The following CCDC171 variants were observed in gnomAD, a reference collection of about 807,000 sequenced individuals.
The protein encoded by CCDC171 is coiled-coil domain containing 171.
Under a neutral mutation model 168.2 loss-of-function variants are expected in CCDC171, and 177 were observed. The observed-to-expected ratio is 1.05, with a 90% confidence interval of 0.93 to 1.19. The LOEUF is 1.19. CCDC171 is among the 50% of genes most tolerant of loss of function. CCDC171 has a pLI of 0.00. For synonymous variants in CCDC171, 687 were observed against 540.8 expected (o/e 1.27, Z -3.75); for missense variants, 1,991 against 1,539.0 (o/e 1.29, Z -4.91).
intron 18 of CCDC171, among the ~76,000 whole-genome samples, chr9:15,750,883 C>G (rs557459081): frequency 5.9e-5 from 9 of 152,276 alleles, no homozygotes; most frequent in South Asian, 2.1e-4. Context: ...CAAGGATGCT[C>G]TCTCTCACCA....
chr9:15,906,551 C>G, intron 24 of CCDC171, among the ~76,000 whole-genome samples: 1 of 152,174 alleles, frequency 6.6e-6, no homozygotes, highest in Non-Finnish European at 1.5e-5. Flanking sequence ...CTATGACAAA[C>G]CCACAGCCAA....
intron 3 of CCDC171, among the ~76,000 whole-genome samples, chr9:15,983,805 CTAAA>C (rs1005303928): frequency 9.6e-5 from 8 of 82,940 alleles, no homozygotes; most frequent in Admixed American, 5.2e-4. Context: ...GAGGCAAGAG[CTAAA>C]TAAAGAGAGT....
intron 9 of CCDC171, among the ~76,000 whole-genome samples, chr9:15,671,284 G>C (rs1486436873): frequency 6.6e-6 from 1 of 151,936 alleles, no homozygotes; most frequent in East Asian, 1.9e-4. Context: ...TCTTCTAAGA[G>C]ATGTTCCTCC....
intron 21 of CCDC171, among the ~76,000 whole-genome samples, chr9:15,803,375 G>GTTT (rs966929290): frequency 6.6e-6 from 1 of 150,488 alleles, no homozygotes; most frequent in African/African-American, 2.4e-5. Flanking sequence ...TTTTTCTAGG[G>GTTT]TTTTTTTTTG....
intron 1 of CCDC171, among the ~76,000 whole-genome samples, chr9:16,053,317 A>G (rs1020940639): frequency 2.0e-5 from 3 of 152,210 alleles, no homozygotes; most frequent in Admixed American, 6.5e-5. Flanking sequence ...TTGTGATGCA[A>G]CTTGCAACAT....
intron 21 of CCDC171, among the ~76,000 whole-genome samples, chr9:15,831,683 G>A (rs2060240124): frequency 6.6e-6 from 1 of 151,990 alleles, no homozygotes; most frequent in South Asian, 2.1e-4. Flanking sequence ...TTGTCTTTAG[G>A]TTTTCTTTAA....
intron 3 of CCDC171, among the ~76,000 whole-genome samples, chr9:15,998,275 A>G (rs1236364900): frequency 1.3e-5 from 2 of 152,312 alleles, no homozygotes; most frequent in Non-Finnish European, 1.5e-5. Flanking sequence ...TCATCTTTGC[A>G]GAGTATTTCC....
upstream of CCDC171, among the ~76,000 whole-genome samples, chr9:16,040,665 A>C (rs3008705): frequency 0.35 from 52,860 of 152,152 alleles, 10,325 homozygotes; most frequent in Non-Finnish European, 0.46. Flanking sequence ...TTACAAGAGC[A>C]GCTATAGGGA....
chr9:15,936,342 A>T (rs574212243), intron 25 of CCDC171, among the ~76,000 whole-genome samples: 2 of 152,180 alleles, frequency 1.3e-5, no homozygotes, highest in East Asian at 3.9e-4. Flanking sequence ...ACTTAAAGAA[A>T]TTATTTTCTC....
intron 23 of CCDC171, among the ~76,000 whole-genome samples, chr9:15,864,575 C>T (rs1223619832): frequency 6.6e-6 from 1 of 151,802 alleles, no homozygotes; most frequent in Non-Finnish European, 1.5e-5. Flanking sequence ...GGTTTTTTGT[C>T]CTTGCGATAG....
At chr9:15,995,741 CTT>C (rs1401803107) in intron 3 of CCDC171, among the ~76,000 whole-genome samples, 2 of 152,224 alleles carry the variant, frequency 1.3e-5, no homozygotes, top group East Asian at 3.8e-4. Flanking sequence ...TCTTTAAAAA[CTT>C]AACACTGTGT....
At chr9:15,820,053 A>C (rs2059705878) in intron 21 of CCDC171, among the ~76,000 whole-genome samples, 1 of 117,832 alleles carries the variant, frequency 8.5e-6, no homozygotes, top group Non-Finnish European at 1.9e-5. Flanking sequence ...AAACTGCTCA[A>C]CTACAGGGAA....
chr9:16,045,490 TG>T (rs1175751578), intron 1 of CCDC171, among the ~76,000 whole-genome samples: 3 of 152,192 alleles, frequency 2.0e-5, no homozygotes, highest in Non-Finnish European at 4.4e-5. Flanking sequence ...CTTATTGTCA[TG>T]GGTTGTAACA....
chr9:15,560,761 T>G (rs2039229644), intron 1 of CCDC171, among the ~76,000 whole-genome samples: 1 of 152,162 alleles, frequency 6.6e-6, no homozygotes, highest in Non-Finnish European at 1.5e-5. Context: ...CAGTCCAGCT[T>G]TGTTCCGTTG....
rs758816282 is a variant in CCDC171, at chr9:15,777,740, T to G, written c.2812T>G (p.Ser938Ala). ...GAGTATTACATATGTAGAAAAAGAT[T>G]CCCTGGTTCAGAGGCTGGCCCATGG... ...SRSITYVEKD[S>A]LVQRLAHGLH... Residue 938 changes from serine (S) to alanine (A), a missense_variant, in exon 19 of 26, where the codon TCC (serine) becomes GCC (alanine). By Grantham distance (99) the Ser-to-Ala change is moderately conservative. Coordinates refer to ENST00000380701, the MANE Select transcript of CCDC171 (RefSeq NM_173550.4). 6.2e-7 allele frequency: 1 copy of G among 1,614,016 alleles called. No individual in the cohort carries two copies. Among genetic ancestry groups the G allele is most frequent in the Non-Finnish European group, 8.5e-7 (1 of 1,179,996 alleles).
At chr9:15,921,440 G>A (rs1261464011) in intron 25 of CCDC171, among the ~76,000 whole-genome samples, 2 of 151,174 alleles carry the variant, frequency 1.3e-5, no homozygotes, top group Non-Finnish European at 3.0e-5. Context: ...AGCAGTTATC[G>A]TCAAACTGAC....
chr9:15,986,646 G>C (rs1481459801), intron 3 of CCDC171, among the ~76,000 whole-genome samples: 2 of 152,180 alleles, frequency 1.3e-5, no homozygotes, highest in African/African-American at 2.4e-5. Context: ...GCACCTGCTG[G>C]AGATGGAGAC....
At chr9:15,784,205 A>T (rs1471813151) in intron 20 of CCDC171, among the ~76,000 whole-genome samples, 1 of 152,178 alleles carries the variant, frequency 6.6e-6, no homozygotes, top group Non-Finnish European at 1.5e-5. Flanking sequence ...CACAATCATA[A>T]TCTTTATAAA....
intron 24 of CCDC171, among the ~76,000 whole-genome samples, chr9:15,915,192 A>G (rs1824320243): frequency 6.6e-6 from 1 of 152,134 alleles, no homozygotes; most frequent in Non-Finnish European, 1.5e-5. Context: ...TAGAGATTGC[A>G]TTGGATCTAT....
Sources: gnomAD v4.1 joint callset for allele counts (sites outside exome capture counted in the v4.1 genomes callset) on GRCh38, gnomAD v4.1.1 for gene constraint, MANE v1.5 for transcripts, NCBI Gene and HGNC (gene_info 2026-07-23, HGNC 2026-07-21) for gene names.